Variants in AGPAT3 observed in about 807,000 individuals in gnomAD.
AGPAT3 encodes 1-acyl-sn-glycerol-3-phosphate acyltransferase gamma.
Under a neutral mutation model 47.3 loss-of-function variants are expected in AGPAT3, and 5 were observed. The ratio of observed to expected loss-of-function variants is 0.11; its 90% CI spans 0.06 to 0.22. The LOEUF is 0.22. AGPAT3 is among the 10% of genes least tolerant of loss of function. AGPAT3 has a pLI of 1.00. For synonymous variants in AGPAT3, 212 were observed against 208.3 expected (o/e 1.02, Z -0.15); for missense variants, 315 against 493.0 (o/e 0.64, Z 3.42).
intron 1 of AGPAT3, chr21:43,867,077 C>T (rs2085524785): frequency 6.6e-6 from 1 of 152,304 alleles, no homozygotes; most frequent in Non-Finnish European, 1.5e-5. Context: ...AAAGTAATGG[C>T]TTTATTTTGG....
intron 2 of AGPAT3, among the ~76,000 whole-genome samples, chr21:43,906,241 G>T (rs529704369): frequency 5.9e-5 from 9 of 152,262 alleles, no homozygotes; most frequent in Non-Finnish European, 1.2e-4. Context: ...ACCAAACCGG[G>T]TGACTGTCAG....
At chr21:43,946,245 A>G (rs937530150) in intron 2 of AGPAT3, among the ~76,000 whole-genome samples, 1 of 152,184 alleles carries the variant, frequency 6.6e-6, no homozygotes, top group Non-Finnish European at 1.5e-5. Flanking sequence ...AGCTCTGTAC[A>G]TCCCCAGCAG....
chr21:43,910,852 G>A (rs1473932475), intron 2 of AGPAT3, among the ~76,000 whole-genome samples: 1 of 152,144 alleles, frequency 6.6e-6, no homozygotes, highest in Admixed American at 6.5e-5. Flanking sequence ...TCCAACCACC[G>A]CAGAGATGGA....
intron 7 of AGPAT3, 108 bp downstream of exon 7, chr21:43,971,598 C>A: frequency 1.0e-6 from 1 of 1,003,496 alleles, no homozygotes; most frequent in Non-Finnish European, 1.5e-6. Context: ...CCCACAGCCC[C>A]GCAGGGTGGA....
intron 7 of AGPAT3, among the ~76,000 whole-genome samples, chr21:43,973,170 C>T (rs866472984): frequency 2.0e-5 from 3 of 152,248 alleles, no homozygotes; most frequent in Non-Finnish European, 4.4e-5. Flanking sequence ...GAGGCGGAGG[C>T]GTTCTTCTCC....
At chr21:43,959,251 G>A (rs377340103) in intron 2 of AGPAT3, among the ~76,000 whole-genome samples, 3 of 136,758 alleles carry the variant, frequency 2.2e-5, no homozygotes, top group Non-Finnish European at 4.7e-5. Flanking sequence ...GTGGTGTGTG[G>A]TTTGCGGTGT....
intron 3 of AGPAT3, among the ~76,000 whole-genome samples, chr21:43,961,338 G>C (rs111415569): frequency 6.8e-6 from 1 of 146,248 alleles, no homozygotes; most frequent in Non-Finnish European, 1.5e-5. Flanking sequence ...ACTTTGTCTC[G>C]TGGGAAACGG....
intron 2 of AGPAT3, among the ~76,000 whole-genome samples, chr21:43,936,688 C>T (rs1228321948): frequency 6.6e-6 from 1 of 152,234 alleles, no homozygotes; most frequent in African/African-American, 2.4e-5. Context: ...TTGGCAAAAA[C>T]AAGACATCCT....
chr21:43,912,385 G>C (rs764306040), intron 2 of AGPAT3, among the ~76,000 whole-genome samples: 1 of 152,358 alleles, frequency 6.6e-6, no homozygotes, highest in East Asian at 1.9e-4. Context: ...TGGCCATGGC[G>C]CAGACCTAGC....
chr21:43,892,982 C>G (rs1337156607), intron 1 of AGPAT3, among the ~76,000 whole-genome samples: 1 of 152,158 alleles, frequency 6.6e-6, no homozygotes, highest in Non-Finnish European at 1.5e-5. Flanking sequence ...GTCATCTCAG[C>G]CTCTTGGGAA....
intron 1 of AGPAT3, among the ~76,000 whole-genome samples, chr21:43,893,888 A>G (rs1457393535): frequency 6.6e-6 from 1 of 152,230 alleles, no homozygotes; most frequent in Admixed American, 6.5e-5. Context: ...GACAGGTATA[A>G]CAATCATGAA....
At position 43,932,674 on chromosome 21, in the gene AGPAT3, G is replaced by A. The variant is rs1420698663; in HGVS notation, c.-48-26960G>A. Among the ~76,000 whole-genome samples, 1 of 152,162 alleles carries A rather than the reference G, an allele frequency of 6.6e-6. No homozygotes were observed. Among genetic ancestry groups the A allele is most frequent in the Non-Finnish European group, 1.5e-5 (1 of 68,024 alleles). The stretch of plus-strand genomic sequence containing the variant: ...GTAGTTCCTTTTGTTTTCTTGAGAC[G>A]GAGTCTTGCTCTGTCGCCCAGGCTG... On this transcript the variant is annotated intron_variant, in intron 2 of 9. Coordinates refer to ENST00000291572, the MANE Select transcript of AGPAT3 (RefSeq NM_020132.5). This position sits in a 1 kb window ranked among gnomAD's most constrained non-coding sequence, Gnocchi z 5.2.
chr21:43,919,579 A>G (rs1014356122), intron 2 of AGPAT3, among the ~76,000 whole-genome samples: 4 of 152,152 alleles, frequency 2.6e-5, no homozygotes, highest in African/African-American at 9.7e-5. Context: ...TATCCTTGCA[A>G]TTGCAAGTCA....
chr21:43,886,262 AT>A (rs200571927), intron 1 of AGPAT3, among the ~76,000 whole-genome samples: 62 of 152,032 alleles, frequency 4.1e-4, no homozygotes, highest in African/African-American at 1.4e-3. Context: ...TATTAAAAAA[AT>A]TTTTTTTAAA....
In AGPAT3 at chr21:43,915,622, G is replaced by C. The variant is rs370983510; in HGVS notation, c.-49+11603G>C. ...AGACGGGGTTTCTCCATGTTGGCCA[G>C]GCTGCTCTTGAACTCCTGACCTCAA... On this transcript the variant is annotated intron_variant, in intron 2 of 9. Transcript: ENST00000291572. Among the ~76,000 whole-genome samples the C allele has an allele frequency of 1.3e-4, 20 of 151,734 alleles. No individual in the cohort carries two copies. In the East Asian group the frequency reaches 3.9e-3, roughly 29 times the overall value.
chr21:43,960,596 A>T (rs1312970958), intron 3 of AGPAT3: 3 of 210,966 alleles, frequency 1.4e-5, no homozygotes. Context: ...TTCTCATTTT[A>T]TCACAGGTAT....
chr21:43,938,117 G>GACACAC lies in AGPAT3; in HGVS notation c.-48-21498_-48-21493dup, dbSNP rs60019728. Among the ~76,000 whole-genome samples, 768 of 147,474 alleles carry GACACAC rather than the reference G, an allele frequency of 5.2e-3. 4 individuals carry two copies. Among genetic ancestry groups the GACACAC allele is most frequent in the Middle Eastern group, 0.024 (7 of 286 alleles). ...TCTCTCTCTCTCTCACACACACACA[G>GACACAC]ACACACACACACACACACACACACT... On this transcript the variant is annotated intron_variant, in intron 2 of 9. Coordinates refer to ENST00000291572, the MANE Select transcript of AGPAT3 (RefSeq NM_020132.5).
At chr21:43,944,293 G>A (rs1461940375) in intron 2 of AGPAT3, among the ~76,000 whole-genome samples, 1 of 152,266 alleles carries the variant, frequency 6.6e-6, no homozygotes, top group African/African-American at 2.4e-5. Flanking sequence ...GTGGTTCCCG[G>A]GCTGGCCCTG....
chr21:43,870,220 G>A (rs1185915604), intron 1 of AGPAT3, among the ~76,000 whole-genome samples: 6 of 152,162 alleles, frequency 3.9e-5, no homozygotes, highest in East Asian at 1.9e-4. Flanking sequence ...GCACTACAGC[G>A]ATCAGGACAC....
Sources: gnomAD v4.1 joint callset for allele counts (sites outside exome capture counted in the v4.1 genomes callset) on GRCh38, gnomAD v4.1.1 for gene constraint, Gnocchi (gnomAD v3.1) non-coding constraint, MANE v1.5 for transcripts, NCBI Gene and HGNC (gene_info 2026-07-23, HGNC 2026-07-21) for gene names.